TRIM48: variants seen among roughly 807,000 people sequenced by gnomAD.
The protein encoded by TRIM48 is tripartite motif containing 48.
Under a neutral mutation model 29.5 loss-of-function variants are expected in TRIM48, and 31 were observed. The ratio of observed to expected loss-of-function variants is 1.05; its 90% CI spans 0.79 to 1.42. The LOEUF is 1.42. Ranked by LOEUF, TRIM48 falls within the 40% of genes most tolerant of loss-of-function variation. The probability of loss-of-function intolerance (pLI) is 0.00; values close to 1 mark genes in which losing one functional copy is unlikely to be tolerated. For missense variants in TRIM48, 344 were observed against 265.0 expected (o/e 1.30, Z -2.07); for synonymous variants, 128 against 90.6 (o/e 1.41, Z -2.34).
chr11:55,268,120 C>G (rs1026362606), intron 3 of TRIM48, among the ~76,000 whole-genome samples: 1 of 147,534 alleles, frequency 6.8e-6, no homozygotes, highest in African/African-American at 2.5e-5. Context: ...GGCTTCTTCT[C>G]CCTTCACTTT....
intron 3 of TRIM48, chr11:55,267,745 A>G: frequency 6.8e-7 from 1 of 1,469,686 alleles, no homozygotes; most frequent in Non-Finnish European, 9.1e-7. Context: ...ATGTGTTTCC[A>G]AAAACACATT....
At chr11:55,270,213 G>A (rs1249470800) in intron 5 of TRIM48, among the ~76,000 whole-genome samples, 1 of 148,122 alleles carries the variant, frequency 6.8e-6, no homozygotes, top group Non-Finnish European at 1.5e-5. Context: ...CAGTATGTAA[G>A]TTTTCAAAAC....
intron 3 of TRIM48, among the ~76,000 whole-genome samples, chr11:55,268,100 A>G (rs1857420814): frequency 6.8e-6 from 1 of 147,748 alleles, no homozygotes; most frequent in African/African-American, 2.5e-5. Flanking sequence ...CATGGAGCAT[A>G]GACTCTCTGG....
intron 1 of TRIM48, 98 bp downstream of exon 1, chr11:55,262,409 T>A (rs1288097213): frequency 1.2e-6 from 1 of 832,046 alleles, no homozygotes; most frequent in East Asian, 2.7e-5. Flanking sequence ...ATCTACACAA[T>A]GATACCATCT....
At chr11:55,266,138 G>A (rs984287376) in intron 3 of TRIM48, among the ~76,000 whole-genome samples, 5 of 147,502 alleles carry the variant, frequency 3.4e-5, no homozygotes, top group Non-Finnish European at 7.5e-5. Context: ...GGCAGAAAGA[G>A]TGACAGGGGA....
chr11:55,270,145 A>C (rs1857458815), intron 5 of TRIM48, among the ~76,000 whole-genome samples: 1 of 148,304 alleles, frequency 6.7e-6, no homozygotes, highest in African/African-American at 2.5e-5. Context: ...AGGGCGTATA[A>C]TGTGCAAATT....
rs1457925808 is a variant in TRIM48 at position 55,270,611 on chromosome 11, TC to T, written c.*178del. ...ACCTCTGGCAAATATTACTGGGAGG[TC>T]CATGTGGGGGACTCTTGGAATTGGG... On this transcript the variant is annotated 3_prime_UTR_variant, in exon 6 of 6. Coordinates refer to ENST00000417545, the MANE Select transcript of TRIM48 (RefSeq NM_024114.5). 6.3e-7 allele frequency: 1 copy of T among 1,582,584 alleles called. No individual in the cohort carries two copies. Among genetic ancestry groups the T allele is most frequent in the African/African-American group, 1.4e-5 (1 of 73,212 alleles).
chr11:55,270,368 T>C, intron 5 of TRIM48, 69 bp from the exon 6 acceptor site: 2 of 1,259,118 alleles, frequency 1.6e-6, no homozygotes, highest in Non-Finnish European at 2.1e-6. Flanking sequence ...GATTTTTGCT[T>C]ATTTACACAT....
In TRIM48 at chr11:55,265,463, C is replaced by A; in HGVS notation, c.460-137C>A. On this transcript the variant is annotated intron_variant, in intron 2 of 5. Transcript: ENST00000417545. ...TTAGCTTCAAACCTCTGAGATTTGA[C>A]GAGGAAGAAGTGAAACAGAAGAAAT... 3 of 1,480,034 alleles carry A rather than the reference C, an allele frequency of 2.0e-6. 1 individual carries two copies. The highest frequency in any genetic ancestry group is 9.1e-7 in the Non-Finnish European group (1 of 1,097,336). The allele number at this position is 1,480,034 out of a possible 1,614,324, so 91.7% of individuals were successfully genotyped here. A position where few individuals can be genotyped will look rare whatever the true frequency, so the allele number is the denominator to read the frequency against.
intron 2 of TRIM48, 136 bp downstream of exon 2, chr11:55,265,450 C>A: frequency 1.3e-6 from 2 of 1,492,652 alleles, no homozygotes; most frequent in Admixed American, 2.0e-5. Flanking sequence ...AGCTTCAAAC[C>A]TCTGAGATTT....
chr11:55,264,353 T>A (rs1156690795), intron 1 of TRIM48, among the ~76,000 whole-genome samples: 1 of 147,948 alleles, frequency 6.8e-6, no homozygotes, highest in African/African-American at 2.5e-5. Context: ...TATTTTACTT[T>A]AATTTTATAT....
chr11:55,262,898 AATGACTTAG>A (rs997301568), intron 1 of TRIM48, among the ~76,000 whole-genome samples: 1 of 152,154 alleles, frequency 6.6e-6, no homozygotes, highest in Non-Finnish European at 1.5e-5. Context: ...AATTCCTTAC[AATGACTTAG>A]ATGACCTCTG....
rs1237565270 is a variant in TRIM48, at chr11:55,265,066, T to G, written c.211T>G (p.Cys71Gly). Residue 71 changes from cysteine to glycine, a missense_variant, in exon 2 of 6, where the codon TGC becomes GGC. By Grantham distance (159) the Cys-to-Gly change is radical. Transcript: ENST00000417545. The stretch of plus-strand genomic sequence containing the variant: ...CCCAATTCTTACTCAGTGCTTTGAA[T>G]GCATAAAGACAATACAGCAGAGAAA... The part of the protein sequence containing the change: ...DIPILTQCFE[C>G]IKTIQQRNLK... The G allele has an allele frequency of 5.7e-6, 9 of 1,583,626 alleles. 2 individuals are homozygous for G. The highest frequency in any genetic ancestry group is 7.7e-6 in the Non-Finnish European group (9 of 1,166,192).
Position 55,262,461 on chromosome 11 carries a change from T to C in TRIM48, c.44+150T>C, listed in dbSNP as rs1228911953. ...CTATAGATTTTATGAATTATGAGGA[T>C]ATTAATTGTTGTTATTTTGCATTTT... On this transcript the variant is annotated intron_variant, in intron 1 of 5. Coordinates refer to ENST00000417545, the MANE Select transcript of TRIM48 (RefSeq NM_024114.5). 3 of 678,094 alleles carry C rather than the reference T, an allele frequency of 4.4e-6. No homozygotes were observed. In the African/African-American group the frequency reaches 5.5e-5, roughly 12 times the overall value. The allele number at this position is 678,094 out of a possible 1,614,324, so 42.0% of individuals were successfully genotyped here.
Position 55,265,285 on chromosome 11 carries a change from C to T in TRIM48, c.430C>T (p.Pro144Ser), listed in dbSNP as rs759208465. The T allele has an allele frequency of 1.1e-5, 18 of 1,582,114 alleles. 1 individual carries two copies. The highest frequency in any genetic ancestry group is 1.4e-5 in the Non-Finnish European group (16 of 1,166,070). ...SQEHRYHRHC[P>S]AEWAAEEHWE... ...GGAGCACCGGTATCACAGACACTGT[C>T]CCGCTGAGTGGGCTGCTGAGGAACA... Residue 144 changes from proline to serine, a missense_variant, in exon 2 of 6, where the codon CCC becomes TCC. By Grantham distance (74) the Pro-to-Ser change is moderately conservative (BLOSUM62 -1). Coordinates refer to ENST00000417545, the MANE Select transcript of TRIM48 (RefSeq NM_024114.5).
Position 55,266,876 on chromosome 11 carries a change from G to A in TRIM48, c.555+1181G>A, listed in dbSNP as rs1447944851. ...CCAAAGAAGTCTATGTTTCAGATTG[G>A]GATGACTTAGAAAAAGAATGGAAGG... is the stretch of plus-strand genomic sequence containing the variant. On this transcript the variant is annotated intron_variant, in intron 3 of 5. Transcript: ENST00000417545. Among the ~76,000 whole-genome samples the A allele has an allele frequency of 2.7e-5, 4 of 147,128 alleles. 1 individual carries two copies. Among genetic ancestry groups the A allele is most frequent in the African/African-American group, 7.5e-5 (3 of 40,210 alleles).
chr11:55,263,513 T>A (rs920347588), intron 1 of TRIM48, among the ~76,000 whole-genome samples: 8 of 150,736 alleles, frequency 5.3e-5, no homozygotes, highest in Admixed American at 2.6e-4. Flanking sequence ...AATGAAAAAA[T>A]TTGCCGGGTG....
rs758475488 is a variant in TRIM48, at chr11:55,265,296, G to T, written c.441G>T (p.Trp147Cys). 2.5e-6 allele frequency: 4 copies of T among 1,582,180 alleles called. No homozygotes were observed. The Admixed American group carries it at 5.1e-5, about 20-fold the overall frequency. Reference sequence around the variant, plus strand: ...ATCACAGACACTGTCCCGCTGAGTGGGCTGCTGAGGAACACTGGGTAAGTG... The same window carrying T: ...ATCACAGACACTGTCCCGCTGAGTGTGCTGCTGAGGAACACTGGGTAAGTG... ...HRYHRHCPAE[W>C]AAEEHWEKLL... The change falls in exon 2 of 6, where the codon TGG becomes TGT. Residue 147 changes from tryptophan to cysteine, a missense_variant. Trp to Cys is a radical substitution (Grantham distance 215). Transcript: ENST00000417545.
rs1375342727 is a variant in TRIM48, at chr11:55,268,766, G to C, written c.578+394G>C. ...TATCAGTTAACAGTTCCGAAAAATAGATTGAAAAAACTATGGAGTGTTAGA... is the reference window on the plus strand; with the variant it reads ...TATCAGTTAACAGTTCCGAAAAATACATTGAAAAAACTATGGAGTGTTAGA... On this transcript the variant is annotated intron_variant, in intron 4 of 5. Coordinates refer to ENST00000417545, the MANE Select transcript of TRIM48 (RefSeq NM_024114.5). Among the ~76,000 whole-genome samples the C allele has an allele frequency of 1.4e-5, 2 of 147,618 alleles. 1 individual carries two copies. The highest frequency in any genetic ancestry group is 4.9e-4 in the South Asian group (2 of 4,110).
Sources: gnomAD v4.1 joint callset for allele counts (sites outside exome capture counted in the v4.1 genomes callset) on GRCh38, gnomAD v4.1.1 for gene constraint, MANE v1.5 for transcripts, NCBI Gene and HGNC (gene_info 2026-07-23, HGNC 2026-07-21) for gene names.